Variants in SLC25A26 observed in about 807,000 individuals in gnomAD.
The protein encoded by SLC25A26 is mitochondrial S-adenosylmethionine carrier protein.
SLC25A26 carries 36 observed loss-of-function variants against 37.8 expected under a neutral mutation model. The ratio of observed to expected loss-of-function variants is 0.95; its 90% CI spans 0.73 to 1.26. SLC25A26 has a LOEUF of 1.26. Among genes scored for constraint, SLC25A26 ranks in the 50% most tolerant of loss-of-function variants. SLC25A26 has a pLI of 0.00. For synonymous variants in SLC25A26, 129 were observed against 122.5 expected (o/e 1.05, Z -0.35); for missense variants, 390 against 331.1 (o/e 1.18, Z -1.38).
intron 5 of SLC25A26, among the ~76,000 whole-genome samples, chr3:66,300,215 G>A (rs562504307): frequency 6.7e-6 from 1 of 148,500 alleles, no homozygotes; most frequent in Non-Finnish European, 1.5e-5. Context: ...TCCCGTTACA[G>A]TGAACTCCAG....
chr3:66,274,093 C>T (rs1370996162), intron 5 of SLC25A26, among the ~76,000 whole-genome samples: 1 of 151,942 alleles, frequency 6.6e-6, no homozygotes, highest in Non-Finnish European at 1.5e-5. Context: ...AGAAATAAGG[C>T]CGCATATCTA....
intron 1 of SLC25A26, among the ~76,000 whole-genome samples, chr3:66,207,319 TC>T (rs1449882497): frequency 1.3e-5 from 2 of 152,126 alleles, no homozygotes; most frequent in African/African-American, 2.4e-5. Context: ...TCATGGGTCT[TC>T]CACTCTTGGT....
chr3:66,377,078 A>G (rs1178689804), intron 9 of SLC25A26, among the ~76,000 whole-genome samples: 1 of 152,188 alleles, frequency 6.6e-6, no homozygotes. Context: ...GTTTTAAAGA[A>G]TGAATCCCCA....
intron 5 of SLC25A26, among the ~76,000 whole-genome samples, chr3:66,314,944 G>A (rs1040107271): frequency 1.3e-5 from 2 of 151,490 alleles, no homozygotes; most frequent in African/African-American, 4.8e-5. Context: ...ATCATTGTTT[G>A]TATTTCTGTG....
At chr3:66,149,602 TAGA>T (rs2070170896) in intron 1 of SLC25A26, among the ~76,000 whole-genome samples, 1 of 152,192 alleles carries the variant, frequency 6.6e-6, no homozygotes, top group Non-Finnish European at 1.5e-5. Context: ...TAATAACCCT[TAGA>T]AGAAAATAAC....
At position 66,364,931 on chromosome 3, in the gene SLC25A26, T is replaced by A. The variant is rs566397794; in HGVS notation, c.568+2002T>A. 4.6e-5 allele frequency among the ~76,000 whole-genome samples: 7 copies of A among 152,326 alleles called. 1 individual carries two copies. The South Asian group carries it at 1.2e-3, about 27-fold the overall frequency. ...CTGTTGTCAGTAGAACCACATATATTTAGCAAAAGATAAATAGATTGCTTA... is the reference window on the plus strand; with the variant it reads ...CTGTTGTCAGTAGAACCACATATATATAGCAAAAGATAAATAGATTGCTTA... On this transcript the variant is annotated intron_variant, in intron 7 of 9. Transcript: ENST00000354883.
chr3:66,317,466 G>C (rs2075571144), intron 5 of SLC25A26, among the ~76,000 whole-genome samples: 1 of 152,188 alleles, frequency 6.6e-6, no homozygotes, highest in African/African-American at 2.4e-5. Context: ...GACCAGCAAA[G>C]ATGGCAGCCT....
intron 1 of SLC25A26, among the ~76,000 whole-genome samples, chr3:66,175,107 GTGTA>G (rs1374809834): frequency 0.02 from 1,623 of 80,428 alleles, 26 homozygotes; most frequent in East Asian, 0.047. Flanking sequence ...ATATGTGTGT[GTGTA>G]TATATATATA....
At chr3:66,374,602 G>A (rs146512606) in intron 9 of SLC25A26, among the ~76,000 whole-genome samples, 210 of 152,296 alleles carry the variant, frequency 1.4e-3, no homozygotes, top group African/African-American at 4.6e-3. Context: ...TAAAAAACTC[G>A]GGCCGGGCAT....
chr3:66,174,813 G>A (rs376444162), intron 1 of SLC25A26, among the ~76,000 whole-genome samples: 40 of 143,426 alleles, frequency 2.8e-4, no homozygotes, highest in East Asian at 4.1e-4. Context: ...AAAAAAAAAA[G>A]AAAAAAAAAA....
intron 6 of SLC25A26, among the ~76,000 whole-genome samples, chr3:66,360,787 C>T (rs1458668672): frequency 6.6e-6 from 1 of 152,170 alleles, no homozygotes; most frequent in Non-Finnish European, 1.5e-5. Context: ...GGATGCCATG[C>T]CTGTGAGAAG....
chr3:66,299,202 T>G (rs1010407398), intron 5 of SLC25A26, among the ~76,000 whole-genome samples: 1 of 152,042 alleles, frequency 6.6e-6, no homozygotes, highest in African/African-American at 2.4e-5. Context: ...ACAACAAACT[T>G]TTTTTTTGAG....
chr3:66,296,805 C>T (rs932094105), intron 5 of SLC25A26, among the ~76,000 whole-genome samples: 3 of 152,112 alleles, frequency 2.0e-5, no homozygotes, highest in African/African-American at 4.8e-5. Context: ...ATTTTTTTAA[C>T]GAATGGCATA....
chr3:66,250,639 G>GCGTTTTGAACTTGAAA (rs1553671643), intron 3 of SLC25A26, among the ~76,000 whole-genome samples: 1 of 151,450 alleles, frequency 6.6e-6, no homozygotes, highest in African/African-American at 2.4e-5. Flanking sequence ...GGTATCACAT[G>GCGTTTTGAACTTGAAA]CGTTTTCAAC....
rs557413649 is a variant in SLC25A26, at chr3:66,253,216, G to A, written c.301-8835G>A. ...AGGTCAGGAGATCAAGACCGTCCTG[G>A]CTAACACGGTGAAAGCTTGTCTCTA... On this transcript the variant is annotated intron_variant, in intron 3 of 9. Coordinates refer to ENST00000354883, the MANE Select transcript of SLC25A26 (RefSeq NM_001379210.1). 4.8e-4 allele frequency among the ~76,000 whole-genome samples: 73 copies of A among 151,850 alleles called. 2 individuals are homozygous for A. The highest frequency in any genetic ancestry group is 1.0e-3 in the South Asian group (5 of 4,784).
chr3:66,134,918 C>A lies in SLC25A26; in HGVS notation c.-354+934C>A, dbSNP rs535818377. ...TGATCTCGACTCACTGCAACTTCTG[C>A]CTCCCAGGTTCAAGCGATTCTCCTG... is the stretch of plus-strand genomic sequence containing the variant. On this transcript the variant is annotated intron_variant, in intron 1 of 10. Coordinates refer to the SLC25A26 transcript ENST00000676754. Among the ~76,000 whole-genome samples the A allele has an allele frequency of 3.9e-4, 60 of 152,060 alleles. 2 individuals are homozygous for A. Among genetic ancestry groups the A allele is most frequent in the African/African-American group, 1.4e-3 (58 of 41,480 alleles).
At chr3:66,359,164 ATCTGAG>A (rs1185404308) in intron 6 of SLC25A26, among the ~76,000 whole-genome samples, 1 of 152,222 alleles carries the variant, frequency 6.6e-6, no homozygotes, top group Non-Finnish European at 1.5e-5. Context: ...GTCTTCAGCC[ATCTGAG>A]TCTATTTGGA....
intron 6 of SLC25A26, 88 bp downstream of exon 6, chr3:66,346,496 C>A: frequency 1.8e-6 from 1 of 542,458 alleles, no homozygotes; most frequent in Non-Finnish European, 2.9e-6. Flanking sequence ...ATAATGTTGA[C>A]TAGAAGTTCA....
intron 5 of SLC25A26, among the ~76,000 whole-genome samples, chr3:66,300,268 T>G (rs924010789): frequency 7.3e-5 from 11 of 150,494 alleles, no homozygotes; most frequent in East Asian, 3.9e-4. Flanking sequence ...TTTTTTTTTT[T>G]TTTTTGGTGT....
Sources: gnomAD v4.1 joint callset for allele counts (sites outside exome capture counted in the v4.1 genomes callset) on GRCh38, gnomAD v4.1.1 for gene constraint, MANE v1.5 for transcripts, NCBI Gene and HGNC (gene_info 2026-07-23, HGNC 2026-07-21) for gene names.